CDK18: variants seen among roughly 807,000 people sequenced by gnomAD.
CDK18 encodes the protein cyclin dependent kinase 18, also known as cyclin-dependent kinase 18.
A neutral mutation model predicts 62.0 loss-of-function variants in CDK18; 52 were observed. That is an observed-to-expected ratio of 0.84 (90% CI 0.67 to 1.06). CDK18 has a LOEUF of 1.06. CDK18 is among the 50% of genes least tolerant of loss of function. The pLI is 0.00. For synonymous variants in CDK18, 237 were observed against 247.0 expected, an observed-to-expected ratio of 0.96 and a Z score of 0.38; for missense variants, 604 against 619.9, an observed-to-expected ratio of 0.97 and a Z score of 0.27.
Position 205,523,593 on chromosome 1 carries a change from C to G in CDK18, c.241C>G (p.Arg81Gly). 1 of 1,585,474 alleles carries G rather than the reference C, an allele frequency of 6.3e-7. No individual in the cohort carries two copies. The highest frequency in any genetic ancestry group is 8.6e-7 in the Non-Finnish European group (1 of 1,166,162). ...GQLSPGVQFQRRQNQRRFSME... is the reference protein window; with the variant it reads ...GQLSPGVQFQGRQNQRRFSME... ...GCTCTCCCCTGGCGTGCAGTTCCAG[C>G]GGCGGCAGAACCAGCGCCGCTTCTC... The change falls in exon 3 of 16, where the codon CGG (arginine) becomes GGG (glycine). Residue 81 changes from arginine (R) to glycine (G), a missense_variant. Arg to Gly is a moderately radical substitution (Grantham distance 125, BLOSUM62 -2). Coordinates refer to ENST00000429964, the MANE Select transcript of CDK18 (RefSeq NM_212502.3).
Position 205,528,453 on chromosome 1 carries a change from T to G in CDK18, c.974+285T>G, listed in dbSNP as rs139129421. Among the ~76,000 whole-genome samples, 25 of 152,210 alleles carry G rather than the reference T, an allele frequency of 1.6e-4. No homozygotes were observed. In the East Asian group the frequency reaches 4.6e-3, roughly 28 times the overall value. Reference sequence around the variant, plus strand: ...AGAGGGTCCAGGAGGGCCCCTATAGTAAATACGATGAATCTTCCCCAAGCA... The same window carrying G: ...AGAGGGTCCAGGAGGGCCCCTATAGGAAATACGATGAATCTTCCCCAAGCA... On this transcript the variant is annotated intron_variant, in intron 10 of 15. Coordinates refer to ENST00000429964, the MANE Select transcript of CDK18 (RefSeq NM_212502.3). The surrounding 1 kb of genome is among the most constrained non-coding windows in gnomAD (Gnocchi z 4.2).
chr1:205,521,450 G>A (rs942268856), intron 1 of CDK18, among the ~76,000 whole-genome samples: 9 of 152,196 alleles, frequency 5.9e-5, no homozygotes, highest in South Asian at 2.1e-4. Context: ...CTGACCTCAA[G>A]TAATGCACCT....
rs1575075511 is a variant in CDK18, at chr1:205,527,548, T to G, written c.730-246T>G. On this transcript the variant is annotated intron_variant, in intron 8 of 15. Transcript: ENST00000429964. This position sits in a 1 kb window ranked among gnomAD's most constrained non-coding sequence, Gnocchi z 4.1. ...ACATAGGCGGGCATCCTGACCCCCGTGCTCCTGACTGAGACTTCGCTGGCC... is the reference window on the plus strand; with the variant it reads ...ACATAGGCGGGCATCCTGACCCCCGGGCTCCTGACTGAGACTTCGCTGGCC... 11 of 482,896 alleles carry G rather than the reference T, an allele frequency of 2.3e-5. No homozygotes were observed. In the East Asian group the frequency reaches 3.9e-4, roughly 17 times the overall value. The allele number at this position is 482,896 out of a possible 1,614,324, so 29.9% of individuals were successfully genotyped here. A position where few individuals can be genotyped will look rare whatever the true frequency, so the allele number is the denominator to read the frequency against.
intron 1 of CDK18, among the ~76,000 whole-genome samples, chr1:205,505,812 G>C (rs1482447514): frequency 6.6e-6 from 1 of 151,956 alleles, no homozygotes; most frequent in Non-Finnish European, 1.5e-5. Context: ...GGCACCTCCC[G>C]GCAGTCGGGG....
At chr1:205,524,146 A>G in intron 3 of CDK18, 86 bp from the exon 4 acceptor site, 1 of 1,486,544 alleles carries the variant, frequency 6.7e-7, no homozygotes, top group Non-Finnish European at 9.4e-7. Context: ...AGGGAACGCT[A>G]GGTCCAGAGT....
intron 4 of CDK18, 114 bp from the exon 5 acceptor site, chr1:205,525,022 CCTT>C: frequency 5.0e-6 from 3 of 594,184 alleles, no homozygotes; most frequent in Admixed American, 5.4e-5. Context: ...AAAAGGAGCC[CCTT>C]CCACCATGGA....
chr1:205,525,018 A>T, intron 4 of CDK18, 121 bp from the exon 5 acceptor site: 1 of 577,728 alleles, frequency 1.7e-6, no homozygotes, highest in Non-Finnish European at 3.2e-6. Context: ...AGGGAAAAGG[A>T]GCCCCTTCCA....
Position 205,531,907 on chromosome 1 carries a change from G to T in CDK18, c.*529G>T, listed in dbSNP as rs963129958. On this transcript the variant is annotated 3_prime_UTR_variant, in exon 16 of 16. Transcript: ENST00000429964. The stretch of plus-strand genomic sequence containing the variant: ...CCTGGAATCCTAGGTACCCACATGT[G>T]TGCCAAAGCCTACCCCACCTGGCAG... 6.1e-6 allele frequency: 1 copy of T among 165,254 alleles called. No individual in the cohort carries two copies. Among genetic ancestry groups the T allele is most frequent in the African/African-American group, 2.4e-5 (1 of 41,764 alleles). 10.2% of individuals were successfully genotyped at this position (165,254 alleles called of 1,614,324 possible). A position where few individuals can be genotyped will look rare whatever the true frequency, so the allele number is the denominator to read the frequency against.
At chr1:205,509,542 C>T in intron 1 of CDK18, among the ~76,000 whole-genome samples, 1 of 152,138 alleles carries the variant, frequency 6.6e-6, no homozygotes, top group African/African-American at 2.4e-5. Flanking sequence ...GTTTCAGTTT[C>T]CTCATTTATA....
At chr1:205,525,343 T>G in intron 5 of CDK18, 148 bp downstream of exon 5, 1 of 516,578 alleles carries the variant, frequency 1.9e-6, no homozygotes, top group Non-Finnish European at 3.6e-6. Flanking sequence ...GTCTTGGCTG[T>G]GCGCTCTGGC....
intron 7 of CDK18, 76 bp downstream of exon 7, chr1:205,526,537 G>A: frequency 8.3e-7 from 1 of 1,203,194 alleles, no homozygotes; most frequent in East Asian, 2.3e-5. Context: ...GTGGGAAGCT[G>A]AGGGAGTGGG....
Position 205,526,241 on chromosome 1 carries a change from G to T in CDK18, c.571+62G>T, listed in dbSNP as rs1668418173. 18 of 1,519,620 alleles carry T rather than the reference G, an allele frequency of 1.2e-5. 1 individual carries two copies. The highest frequency in any genetic ancestry group is 3.4e-4 in the Middle Eastern group (2 of 5,860). 94.1% of individuals were successfully genotyped at this position (1,519,620 alleles called of 1,614,324 possible). ...TTCAGGAGGAGGGGTTCACCAGCCT[G>T]CACCCTTGTGGGAGCTGGGGGTAGA... On this transcript the variant is annotated intron_variant, in intron 6 of 15. Coordinates refer to ENST00000429964, the MANE Select transcript of CDK18 (RefSeq NM_212502.3).
chr1:205,522,978 C>A, intron 1 of CDK18, 169 bp from the exon 2 acceptor site: 2 of 640,328 alleles, frequency 3.1e-6, no homozygotes, highest in South Asian at 2.1e-5. Flanking sequence ...AGAGGGTGAA[C>A]ACCCACCCTC....
intron 1 of CDK18, among the ~76,000 whole-genome samples, chr1:205,519,549 T>C (rs939070215): frequency 4.0e-5 from 6 of 151,232 alleles, no homozygotes; most frequent in Admixed American, 3.9e-4. Flanking sequence ...CTTCTGCTGC[T>C]GTGACAGCCA....
chr1:205,515,797 C>T (rs1376928013), intron 1 of CDK18, among the ~76,000 whole-genome samples: 1 of 152,212 alleles, frequency 6.6e-6, no homozygotes, highest in Non-Finnish European at 1.5e-5. Context: ...ACTTTGCCTC[C>T]TGAGCAGACA....
chr1:205,520,951 ACAG>A lies in CDK18; in HGVS notation c.-21-2192_-21-2190del, dbSNP rs1210572893. Among the ~76,000 whole-genome samples, 5 of 152,274 alleles carry A rather than the reference ACAG, an allele frequency of 3.3e-5. No homozygotes were observed. In the East Asian group the frequency reaches 9.7e-4, roughly 29 times the overall value. On this transcript the variant is annotated intron_variant, in intron 1 of 15. Transcript: ENST00000429964. ...CTTCCTGTCTGCAAGAGTCCTGCAGACAGCAGGCCTGAGACATTGCACAGAGCC... is the reference window on the plus strand; with the variant it reads ...CTTCCTGTCTGCAAGAGTCCTGCAGACAGGCCTGAGACATTGCACAGAGCC...
rs774875965 is a variant in CDK18, at chr1:205,528,991, C to T, written c.975-8C>T. The T allele has an allele frequency of 3.2e-6, 5 of 1,563,976 alleles. No individual in the cohort carries two copies. The highest frequency in any genetic ancestry group is 1.7e-4 in the Middle Eastern group (1 of 5,832). Reference sequence around the variant, plus strand: ...CCTGATGCCGACCCTACCCCTTGCTCCTCGCAGGGGCGTGGGCTGCATCCA... The same window carrying T: ...CCTGATGCCGACCCTACCCCTTGCTTCTCGCAGGGGCGTGGGCTGCATCCA... On this transcript the variant is annotated splice_region_variant and splice_polypyrimidine_tract_variant and intron_variant, in intron 10 of 15. Coordinates refer to ENST00000429964, the MANE Select transcript of CDK18 (RefSeq NM_212502.3). The surrounding 1 kb of genome is among the most constrained non-coding windows in gnomAD (Gnocchi z 4.2).
chr1:205,523,416 G>T lies in CDK18; in HGVS notation c.131-67G>T, dbSNP rs559325623. 1.7e-4 allele frequency: 268 copies of T among 1,599,502 alleles called. 1 individual carries two copies. In the Admixed American group the frequency reaches 2.6e-3, roughly 15 times the overall value. ...AGGGGAGGAGCACAGCGCTGGGGGA[G>T]GGGGGCTACCCTTCTCTCCCTCAGG... On this transcript the variant is annotated intron_variant, in intron 2 of 15. Coordinates refer to ENST00000429964, the MANE Select transcript of CDK18 (RefSeq NM_212502.3).
At position 205,516,697 on chromosome 1, in the gene CDK18, G is replaced by A. The variant is rs565864632; in HGVS notation, c.-21-6450G>A. 1 of 152,370 alleles carries A rather than the reference G, an allele frequency of 6.6e-6. No homozygotes were observed. The highest frequency in any genetic ancestry group is 1.9e-4 in the East Asian group (1 of 5,180). 9.4% of individuals were successfully genotyped at this position (152,370 alleles called of 1,614,324 possible). On this transcript the variant is annotated intron_variant, in intron 1 of 15. Transcript: ENST00000429964. The surrounding 1 kb of genome is among the most constrained non-coding windows in gnomAD (Gnocchi z 4.8). ...CTGGTGGTCCTGGGGGTGGGGTGGA[G>A]TGAGTTCCAGGAAGCTCCTGAAGGC...
Sources: gnomAD v4.1 joint callset for allele counts (sites outside exome capture counted in the v4.1 genomes callset) on GRCh38, gnomAD v4.1.1 for gene constraint, Gnocchi (gnomAD v3.1) non-coding constraint, MANE v1.5 for transcripts, NCBI Gene and HGNC (gene_info 2026-07-23, HGNC 2026-07-21) for gene names.